Variants in GALNT14 observed in about 807,000 individuals in gnomAD.
GALNT14 encodes the protein UDP-GalNAc:polypeptide N-acetylgalactosaminyltransferase 14.
A neutral mutation model predicts 77.5 loss-of-function variants in GALNT14; 60 were observed. That is an observed-to-expected ratio of 0.77 (90% CI 0.63 to 0.96). The LOEUF is 0.96. GALNT14 is among the 40% of genes least tolerant of loss of function. The pLI is 0.00. For missense variants in GALNT14, 710 were observed against 731.0 expected (o/e 0.97, Z 0.33); for synonymous variants, 280 against 281.7 (o/e 0.99, Z 0.06).
intron 1 of GALNT14, among the ~76,000 whole-genome samples, chr2:31,120,283 A>G (rs908081892): frequency 1.6e-4 from 25 of 152,342 alleles, no homozygotes; most frequent in African/African-American, 6.0e-4. Flanking sequence ...CTTTTTAATA[A>G]CAACCAAAAC....
intron 1 of GALNT14, among the ~76,000 whole-genome samples, chr2:31,107,505 A>G (rs988528253): frequency 2.4e-4 from 37 of 152,234 alleles, no homozygotes; most frequent in Non-Finnish European, 4.3e-4. Context: ...GGAGTTTTCT[A>G]TTGTTCTCTT....
intron 1 of GALNT14, among the ~76,000 whole-genome samples, chr2:31,030,899 ATG>A (rs1672366992): frequency 6.6e-6 from 1 of 152,144 alleles, no homozygotes; most frequent in Non-Finnish European, 1.5e-5. Flanking sequence ...TTTTCTTGGG[ATG>A]CCTATTTATC....
chr2:30,933,441 T>C (rs1032074942), intron 9 of GALNT14, among the ~76,000 whole-genome samples: 3 of 152,146 alleles, frequency 2.0e-5, no homozygotes, highest in Admixed American at 1.3e-4. Flanking sequence ...CACATGTGTG[T>C]CCTGCACCCT....
At chr2:31,039,355 A>T (rs1253873086) in intron 1 of GALNT14, among the ~76,000 whole-genome samples, 2 of 152,232 alleles carry the variant, frequency 1.3e-5, no homozygotes, top group African/African-American at 4.8e-5. Context: ...CAGTTTGCAG[A>T]GAACCTTTTT....
At chr2:30,956,138 G>A (rs900700644) in intron 4 of GALNT14, among the ~76,000 whole-genome samples, 161 bp from the exon 5 acceptor site, 2 of 152,162 alleles carry the variant, frequency 1.3e-5, no homozygotes, top group African/African-American at 4.8e-5. Flanking sequence ...TCCAGGCTAT[G>A]AGAGGCTGAC....
chr2:31,121,107 C>A (rs547427025), intron 1 of GALNT14, among the ~76,000 whole-genome samples: 1 of 152,182 alleles, frequency 6.6e-6, no homozygotes, highest in African/African-American at 2.4e-5. Context: ...CTTTCTCCAA[C>A]CAATGTGCAT....
At chr2:30,956,431 G>A (rs1308352104) in intron 4 of GALNT14, among the ~76,000 whole-genome samples, 1 of 152,186 alleles carries the variant, frequency 6.6e-6, no homozygotes, top group African/African-American at 2.4e-5. Context: ...CATGCAATGT[G>A]TAATAATCAC....
intron 1 of GALNT14, among the ~76,000 whole-genome samples, chr2:31,030,869 T>C (rs1219145515): frequency 6.6e-6 from 1 of 152,222 alleles, no homozygotes; most frequent in Non-Finnish European, 1.5e-5. Flanking sequence ...GGTTTAAGGC[T>C]CAGACCCATC....
intron 1 of GALNT14, among the ~76,000 whole-genome samples, chr2:31,123,974 G>T (rs566159333): frequency 6.6e-6 from 1 of 152,092 alleles, no homozygotes; most frequent in African/African-American, 2.4e-5. Context: ...CACAGTGTTC[G>T]GGAATCAGAA....
chr2:31,062,086 T>C (rs955893910), intron 1 of GALNT14, among the ~76,000 whole-genome samples: 5 of 152,242 alleles, frequency 3.3e-5, no homozygotes, highest in Admixed American at 3.3e-4. Context: ...GGGATACATG[T>C]GCAGAGCGTG....
chr2:31,039,420 G>GA (rs1303477854), intron 1 of GALNT14, among the ~76,000 whole-genome samples: 1 of 152,146 alleles, frequency 6.6e-6, no homozygotes, highest in Non-Finnish European at 1.5e-5. Context: ...TACAGATGAG[G>GA]AAACTAAATG....
At position 31,029,168 on chromosome 2, in the gene GALNT14, C is replaced by T. The variant is rs957859792; in HGVS notation, c.130-36161G>A. Among the ~76,000 whole-genome samples, 72 of 152,198 alleles carry T rather than the reference C, an allele frequency of 4.7e-4. 1 individual carries two copies. Among genetic ancestry groups the T allele is most frequent in the African/African-American group, 1.7e-3 (70 of 41,534 alleles). On this transcript the variant is annotated intron_variant, in intron 1 of 14. Coordinates refer to ENST00000349752, the MANE Select transcript of GALNT14 (RefSeq NM_024572.4). ...TTCTACAATTCATTAGTGGGGTGACCGTGAGCAAGTCATTCGCGGGATCTA... is the reference window on the plus strand; with the variant it reads ...TTCTACAATTCATTAGTGGGGTGACTGTGAGCAAGTCATTCGCGGGATCTA...
chr2:31,027,089 T>A (rs567840701), intron 1 of GALNT14, among the ~76,000 whole-genome samples: 4 of 152,222 alleles, frequency 2.6e-5, no homozygotes, highest in Non-Finnish European at 5.9e-5. Context: ...TGGCACTGTA[T>A]CCAGGTATGA....
At chr2:31,125,302 T>C (rs949767013) in intron 1 of GALNT14, 1 of 1,309,666 alleles carries the variant, frequency 7.6e-7, no homozygotes, top group Non-Finnish European at 1.1e-6. Context: ...TCTTTGGCAA[T>C]TAATAGCAGC....
At chr2:30,891,278 A>G in the GALNT14 span, among the ~76,000 whole-genome samples, 2 of 152,184 alleles carry the variant, frequency 1.3e-5, no homozygotes, top group Admixed American at 1.3e-4. Context: ...CACTGTCAGA[A>G]GAGATTACGG....
intron 1 of GALNT14, among the ~76,000 whole-genome samples, chr2:31,043,139 T>C (rs1201037507): frequency 6.6e-6 from 1 of 152,130 alleles, no homozygotes; most frequent in African/African-American, 2.4e-5. Flanking sequence ...TCTGCTTTAG[T>C]TTTCTCTGCC....
At chr2:30,889,542 A>G in the GALNT14 span, among the ~76,000 whole-genome samples, 1 of 152,148 alleles carries the variant, frequency 6.6e-6, no homozygotes, top group Non-Finnish European at 1.5e-5. Flanking sequence ...TCCACATCTC[A>G]TCAGATTCTC....
chr2:31,070,514 C>G (rs1244690751), intron 1 of GALNT14, among the ~76,000 whole-genome samples: 3 of 152,206 alleles, frequency 2.0e-5, no homozygotes, highest in African/African-American at 7.2e-5. Context: ...CTCCCCAAAC[C>G]CTGTGACTCA....
intron 1 of GALNT14, among the ~76,000 whole-genome samples, chr2:30,999,693 G>A (rs1248072324): frequency 1.3e-5 from 2 of 152,168 alleles, no homozygotes; most frequent in Admixed American, 1.3e-4. Flanking sequence ...TGTGCCTATG[G>A]TAATGCCTGC....
Sources: allele counts gnomAD v4.1 joint callset (sites outside exome capture counted in the v4.1 genomes callset), GRCh38; gene constraint gnomAD v4.1.1; transcripts MANE v1.5; gene names NCBI Gene and HGNC (gene_info 2026-07-23, HGNC 2026-07-21).